Variants in ARSG observed in about 807,000 individuals in gnomAD.
ARSG encodes ASG.
A neutral mutation model predicts 50.5 loss-of-function variants in ARSG; 37 were observed. The observed-to-expected ratio is 0.73, with a 90% CI of 0.56 to 0.96. The LOEUF (loss-of-function observed/expected upper bound fraction) is 0.96, where lower values mean the gene tolerates loss of function less well. Ranked by LOEUF, ARSG falls within the 50% of genes least tolerant of loss-of-function variation. The pLI, the probability that ARSG is intolerant of heterozygous loss-of-function variation, is 0.00. For synonymous variants in ARSG, 225 were observed against 254.6 expected (o/e 0.88, Z 1.11); for missense variants, 629 against 675.3 (o/e 0.93, Z 0.76).
chr17:68,421,929 C>T (rs112906208), downstream of ARSG: 4,288 of 1,446,504 alleles, frequency 3.0e-3, 113 homozygotes, highest in African/African-American at 0.054. Context: ...AGAGGCTGGG[C>T]ACTGTGGAAT....
intron 4 of ARSG, among the ~76,000 whole-genome samples, chr17:68,348,424 G>A (rs1468834268): frequency 6.6e-6 from 1 of 152,144 alleles, no homozygotes; most frequent in Non-Finnish European, 1.5e-5. Flanking sequence ...TGGGAAGTGG[G>A]AAGAAAGAGT....
intron 2 of ARSG, among the ~76,000 whole-genome samples, chr17:68,314,980 G>A (rs1555768008): frequency 1.3e-5 from 2 of 152,180 alleles, no homozygotes; most frequent in African/African-American, 4.8e-5. Context: ...CACAACAGCT[G>A]CAACAATCAC....
At chr17:68,419,608 A>G (rs926282049) in intron 11 of ARSG, among the ~76,000 whole-genome samples, 6 of 152,104 alleles carry the variant, frequency 3.9e-5, no homozygotes, top group Admixed American at 6.5e-5. Context: ...TTTTGTGTCA[A>G]TAAAGATACT....
chr17:68,309,894 A>G (rs373088857), intron 2 of ARSG, among the ~76,000 whole-genome samples: 219 of 147,206 alleles, frequency 1.5e-3, no homozygotes, highest in African/African-American at 5.8e-3. Flanking sequence ...GTAAATAAAT[A>G]AAGAAAGAAA....
At chr17:68,340,301 G>A (rs2078210510) in intron 2 of ARSG, among the ~76,000 whole-genome samples, 1 of 152,094 alleles carries the variant, frequency 6.6e-6, no homozygotes, top group African/African-American at 2.4e-5. Flanking sequence ...GTGTGTGTGT[G>A]TGTGACTGAG....
intron 1 of ARSG, chr17:68,273,787 C>T: frequency 9.6e-7 from 1 of 1,039,012 alleles, no homozygotes; most frequent in East Asian, 2.5e-5. Context: ...CAGTTCAAAA[C>T]TACTGATCTG....
chr17:68,308,742 A>G (rs2076713752), intron 2 of ARSG, among the ~76,000 whole-genome samples: 1 of 152,224 alleles, frequency 6.6e-6, no homozygotes, highest in Non-Finnish European at 1.5e-5. Flanking sequence ...TGGTGTGTTT[A>G]CAAACCTTGA....
chr17:68,267,079 G>A (rs1243873989), intron 1 of ARSG: 1 of 152,106 alleles, frequency 6.6e-6, no homozygotes, highest in Non-Finnish European at 1.5e-5. Context: ...GTACCAGAAT[G>A]TCACTAATAC....
At chr17:68,262,343 C>T (rs1374719055) in intron 1 of ARSG, among the ~76,000 whole-genome samples, 9 of 149,508 alleles carry the variant, frequency 6.0e-5, no homozygotes, top group Non-Finnish European at 1.0e-4. Flanking sequence ...TGGTGGCGGG[C>T]GCCTGTAGTC....
chr17:68,350,142 C>T (rs2078692379), intron 4 of ARSG, among the ~76,000 whole-genome samples: 1 of 152,166 alleles, frequency 6.6e-6, no homozygotes, highest in Non-Finnish European at 1.5e-5. Context: ...AATGCAGTTT[C>T]ACCTGTGAGA....
chr17:68,448,469 G>A, the ARSG span: 37 of 152,110 alleles, frequency 2.4e-4, no homozygotes, highest in African/African-American at 8.9e-4. Context: ...GACAGTTCCT[G>A]GTGCATCAGT....
At chr17:68,406,948 C>A (rs1737531033) in intron 11 of ARSG, among the ~76,000 whole-genome samples, 1 of 152,188 alleles carries the variant, frequency 6.6e-6, no homozygotes, top group Admixed American at 6.5e-5. Context: ...CTTGCCTAAG[C>A]CAATGTCTAG....
In ARSG at chr17:68,356,813, T is replaced by C. The variant is rs199551658; in HGVS notation, c.704+9T>C. ...TTCATCCAGCGTGCAAGGTGAGGAG[T>C]CTCCCTCCCTCCGCAGGGCCTCCCC... On this transcript the variant is annotated intron_variant, in intron 6 of 11. Coordinates refer to ENST00000621439, the MANE Select transcript of ARSG (RefSeq NM_001267727.2). The C allele has an allele frequency of 6.3e-5, 101 of 1,613,360 alleles. No homozygotes were observed. Among genetic ancestry groups the C allele is most frequent in the Middle Eastern group, 3.3e-4 (2 of 6,044 alleles).
chr17:68,283,280 G>A (rs1286728259), intron 1 of ARSG, among the ~76,000 whole-genome samples: 1 of 151,236 alleles, frequency 6.6e-6, no homozygotes, highest in Non-Finnish European at 1.5e-5. Context: ...TAACACTTTG[G>A]GAGGCCGAGG....
chr17:68,284,688 CTT>C (rs1300224323), intron 1 of ARSG, among the ~76,000 whole-genome samples: 1 of 152,198 alleles, frequency 6.6e-6, no homozygotes, highest in Non-Finnish European at 1.5e-5. Flanking sequence ...TCTGATCTAA[CTT>C]AGTATCATTC....
At chr17:68,314,789 A>G (rs1234982608) in intron 2 of ARSG, among the ~76,000 whole-genome samples, 1 of 152,186 alleles carries the variant, frequency 6.6e-6, no homozygotes, top group Non-Finnish European at 1.5e-5. Context: ...TATGTTAGCT[A>G]TGGTTATTTT....
intron 8 of ARSG, among the ~76,000 whole-genome samples, chr17:68,371,376 G>A (rs1371388255): frequency 6.7e-6 from 1 of 150,354 alleles, no homozygotes; most frequent in African/African-American, 2.4e-5. Flanking sequence ...ATTTGCCCAT[G>A]TCACACAGTT....
At chr17:68,326,274 G>A (rs1284981385) in intron 2 of ARSG, among the ~76,000 whole-genome samples, 1 of 152,230 alleles carries the variant, frequency 6.6e-6, no homozygotes, top group Admixed American at 6.5e-5. Context: ...AAGCCCAGCT[G>A]ACCAGGAGGG....
intron 4 of ARSG, among the ~76,000 whole-genome samples, chr17:68,349,933 C>T (rs1011157999): frequency 6.6e-6 from 1 of 152,142 alleles, no homozygotes; most frequent in Non-Finnish European, 1.5e-5. Context: ...ACATACACCA[C>T]ATATTGGGTT....
Sources: allele counts gnomAD v4.1 joint callset (sites outside exome capture counted in the v4.1 genomes callset), GRCh38; gene constraint gnomAD v4.1.1; transcripts MANE v1.5; gene names NCBI Gene and HGNC (gene_info 2026-07-23, HGNC 2026-07-21).